Variants in PXK observed in about 807,000 individuals in gnomAD.
The protein encoded by PXK is PX domain-containing protein kinase-like protein.
PXK carries 35 observed loss-of-function variants against 84.7 expected under a neutral mutation model. That is an observed-to-expected ratio of 0.41 (90% confidence interval 0.32 to 0.55). PXK has a LOEUF of 0.55. Among genes scored for constraint, PXK ranks in the 20% least tolerant of loss-of-function variants. The pLI, the probability that PXK is intolerant of heterozygous loss-of-function variation, is 0.21. For synonymous variants in PXK, 253 were observed against 260.8 expected (o/e 0.97, Z 0.29); for missense variants, 634 against 699.7 (o/e 0.91, Z 1.06).
intron 1 of PXK, among the ~76,000 whole-genome samples, chr3:58,344,921 C>T (rs940750121): frequency 8.5e-5 from 13 of 152,226 alleles, no homozygotes; most frequent in African/African-American, 3.1e-4. Flanking sequence ...AGGCAGCCCC[C>T]AGCAAATGCC....
At position 58,365,940 on chromosome 3, in the gene PXK, T is replaced by TC; in HGVS notation, c.153+16_153+17insC. 1 of 1,571,318 alleles carries TC rather than the reference T, an allele frequency of 6.4e-7. No individual in the cohort carries two copies. Among genetic ancestry groups the TC allele is most frequent in the Admixed American group, 2.0e-5 (1 of 50,866 alleles). Reference sequence around the variant, plus strand: ...CAGCTGGCAGGTAAGCATCTTTTTTTTTTTTTTTGTCAATTAGAAAAATAT... The same window carrying TC: ...CAGCTGGCAGGTAAGCATCTTTTTTTCTTTTTTTTGTCAATTAGAAAAATAT... On this transcript the variant is annotated intron_variant, in intron 2 of 17. Transcript: ENST00000356151.
intron 7 of PXK, among the ~76,000 whole-genome samples, chr3:58,393,412 A>G (rs568229864): frequency 6.6e-6 from 1 of 152,336 alleles, no homozygotes; most frequent in Admixed American, 6.5e-5. Flanking sequence ...GTATGAACCA[A>G]AATATTCAGT....
chr3:58,410,108 C>G lies in PXK; in HGVS notation c.1414C>G (p.Leu472Val), dbSNP rs1284022383. Residue 472 changes from leucine to valine, a missense_variant, in exon 16 of 18, where the codon CTT becomes GTT. Transcript: ENST00000356151. ...LARKKSKRSA[L>V]ENSEEHSAKY... ...CTTAAAGAAGTCAAAACGATCTGCT[C>G]TTGAAAATAGTGAAGAGCATTCAGC... 3 of 1,599,582 alleles carry G rather than the reference C, an allele frequency of 1.9e-6. No homozygotes were observed. The highest frequency in any genetic ancestry group is 2.6e-6 in the Non-Finnish European group (3 of 1,166,916).
chr3:58,389,678 A>C (rs906419497), intron 4 of PXK, among the ~76,000 whole-genome samples: 10 of 94,076 alleles, frequency 1.1e-4, no homozygotes, highest in Admixed American at 9.2e-4. Context: ...AAAAACAAAC[A>C]AAAAAAAAAA....
intron 16 of PXK, 26 bp downstream of exon 16, chr3:58,410,185 G>A: frequency 1.3e-6 from 2 of 1,513,578 alleles, no homozygotes; most frequent in Non-Finnish European, 1.8e-6. Context: ...TGGTAGTGGG[G>A]CCCAGGACAC....
At chr3:58,373,876 T>G in intron 3 of PXK, among the ~76,000 whole-genome samples, 1 of 151,720 alleles carries the variant, frequency 6.6e-6, no homozygotes, top group East Asian at 2.0e-4. Flanking sequence ...AAACCCCGTC[T>G]CTACTAAAAA....
intron 17 of PXK, chr3:58,420,756 T>C: frequency 7.1e-7 from 1 of 1,400,552 alleles, no homozygotes; most frequent in Non-Finnish European, 9.2e-7. Flanking sequence ...TTCATCTATA[T>C]TCATTTCATT....
chr3:58,422,006 CGCAGGCA>C (rs1271864522), intron 17 of PXK: 2 of 985,228 alleles, frequency 2.0e-6, no homozygotes, highest in Non-Finnish European at 2.4e-6. Flanking sequence ...GTGGAGAGCG[CGCAGGCA>C]GCAGGCAGTT....
chr3:58,384,989 G>T (rs1216555632), intron 4 of PXK, among the ~76,000 whole-genome samples: 1 of 152,208 alleles, frequency 6.6e-6, no homozygotes, highest in Non-Finnish European at 1.5e-5. Context: ...GCACATTTGT[G>T]TGACTTTAGT....
At chr3:58,386,375 A>G (rs1422673964) in intron 4 of PXK, among the ~76,000 whole-genome samples, 9 of 135,106 alleles carry the variant, frequency 6.7e-5, no homozygotes. Flanking sequence ...GGCTCACTGC[A>G]ACCTCAGCCC....
At chr3:58,415,668 G>A (rs1232790106) in intron 17 of PXK, among the ~76,000 whole-genome samples, 1 of 152,212 alleles carries the variant, frequency 6.6e-6, no homozygotes. Context: ...CTCACCCAGT[G>A]CAATAAAATC....
intron 1 of PXK, among the ~76,000 whole-genome samples, chr3:58,336,058 TA>T (rs1559828910): frequency 7.2e-5 from 4 of 55,856 alleles, no homozygotes; most frequent in African/African-American, 4.7e-4. Context: ...TATATATATA[TA>T]TATATATATA....
At chr3:58,387,972 G>T (rs1410233455) in intron 4 of PXK, among the ~76,000 whole-genome samples, 1 of 152,166 alleles carries the variant, frequency 6.6e-6, no homozygotes, top group East Asian at 1.9e-4. Flanking sequence ...AGCCAGAAAG[G>T]TAGGTTAAAG....
chr3:58,359,070 G>A (rs543195006), intron 1 of PXK, among the ~76,000 whole-genome samples: 31 of 152,264 alleles, frequency 2.0e-4, no homozygotes, highest in African/African-American at 7.0e-4. Context: ...CGTGATAGGT[G>A]CTTAGTCCAT....
chr3:58,343,097 G>A (rs1301998321), intron 1 of PXK, among the ~76,000 whole-genome samples: 3 of 152,210 alleles, frequency 2.0e-5, no homozygotes, highest in Non-Finnish European at 4.4e-5. Flanking sequence ...GTTGGTATGG[G>A]AGAATCCTGG....
At position 58,397,137 on chromosome 3, in the gene PXK, G is replaced by T. The variant is rs1365124266; in HGVS notation, c.921G>T (p.Glu307Asp). 6.2e-7 allele frequency: 1 copy of T among 1,614,032 alleles called. No individual in the cohort carries two copies. The change falls in exon 10 of 18, where the codon GAG becomes GAT. Residue 307 changes from glutamate to aspartate, a missense_variant. Physicochemically the swap from Glu to Asp is conservative, Grantham distance 45 (BLOSUM62 2). Coordinates refer to ENST00000356151, the MANE Select transcript of PXK (RefSeq NM_017771.5). The surrounding 1 kb of genome is among the most constrained non-coding windows in gnomAD (Gnocchi z 4.7). ...ACACTTGCCGGCTGCTGGACCTTGA[G>T]AATTCCTTATTGGGCCTGCCTTCCT... ...DGDTCRLLDL[E>D]NSLLGLPSFY...
intron 1 of PXK, among the ~76,000 whole-genome samples, chr3:58,361,555 A>T (rs2098188008): frequency 6.6e-6 from 1 of 152,136 alleles, no homozygotes; most frequent in African/African-American, 2.4e-5. Flanking sequence ...CTCCATCTCT[A>T]TAATTTTGTC....
chr3:58,393,959 G>A (rs961036596), intron 7 of PXK, among the ~76,000 whole-genome samples: 20 of 152,268 alleles, frequency 1.3e-4, no homozygotes, highest in Non-Finnish European at 2.5e-4. Context: ...TGATGAAAAT[G>A]TTCTATAATT....
chr3:58,423,089 C>A, intron 17 of PXK: 3 of 985,426 alleles, frequency 3.0e-6, no homozygotes, highest in South Asian at 4.7e-5. Flanking sequence ...GTGTTGCAGT[C>A]AAGAGACTCA....
Sources: allele counts gnomAD v4.1 joint callset (sites outside exome capture counted in the v4.1 genomes callset), GRCh38; gene constraint gnomAD v4.1.1; non-coding constraint Gnocchi (gnomAD v3.1); transcripts MANE v1.5; gene names NCBI Gene and HGNC (gene_info 2026-07-23, HGNC 2026-07-21).